HSPA14: variants seen among roughly 807,000 people sequenced by gnomAD.
HSPA14 encodes the protein heat shock protein family A (Hsp70) member 14, also known as heat shock 70 kDa protein 14.
HSPA14 carries 37 observed loss-of-function variants against 65.5 expected under a neutral mutation model. The observed-to-expected ratio is 0.56, with a 90% CI of 0.43 to 0.74. The LOEUF (loss-of-function observed/expected upper bound fraction) is 0.74, where lower values mean the gene tolerates loss of function less well. Ranked by LOEUF, HSPA14 falls within the 30% of genes least tolerant of loss-of-function variation. The pLI, the probability that HSPA14 is intolerant of heterozygous loss-of-function variation, is 0.00. For missense variants in HSPA14, 564 were observed against 607.6 expected (o/e 0.93, Z 0.75); for synonymous variants, 203 against 214.2 (o/e 0.95, Z 0.46).
At chr10:14,870,092 T>A (rs1187244703) in intron 12 of HSPA14, among the ~76,000 whole-genome samples, 2 of 152,202 alleles carry the variant, frequency 1.3e-5, no homozygotes, top group East Asian at 3.8e-4. Flanking sequence ...ACTGAGGAAT[T>A]TTATAGTAAA....
At chr10:14,843,320 A>G (rs1387516458) in intron 3 of HSPA14, 1 of 1,546,162 alleles carries the variant, frequency 6.5e-7, no homozygotes, top group Non-Finnish European at 8.7e-7. Context: ...GGCTCCAAGC[A>G]TTCCCTTAGC....
chr10:14,855,799 C>T (rs1301600563), intron 9 of HSPA14, 42 bp from the exon 10 acceptor site: 1 of 999,184 alleles, frequency 1.0e-6, no homozygotes, highest in Non-Finnish European at 1.6e-6. Context: ...TTTCTCTTGT[C>T]CCTGTGTCTG....
chr10:14,855,690 A>G (rs1158325609), intron 9 of HSPA14, 151 bp from the exon 10 acceptor site: 3 of 558,572 alleles, frequency 5.4e-6, no homozygotes, highest in Non-Finnish European at 9.5e-6. Context: ...CTTATGGTAA[A>G]CCTGTCATTC....
At chr10:14,844,004 A>G in intron 3 of HSPA14, 1 of 1,467,956 alleles carries the variant, frequency 6.8e-7, no homozygotes, top group Non-Finnish European at 8.9e-7. Context: ...AACATGGATG[A>G]ACCATTTATA....
chr10:14,849,692 A>G, intron 5 of HSPA14, 29 bp from the exon 6 acceptor site: 1 of 1,462,440 alleles, frequency 6.8e-7, no homozygotes, highest in Non-Finnish European at 9.5e-7. Flanking sequence ...TTCTTCTGTC[A>G]TCAGAATTTT....
At chr10:14,865,479 CA>C (rs1166243622) in intron 10 of HSPA14, among the ~76,000 whole-genome samples, 4 of 151,978 alleles carry the variant, frequency 2.6e-5, no homozygotes, top group African/African-American at 9.7e-5. Flanking sequence ...GTCTTTAATC[CA>C]TCTTGAATTA....
chr10:14,842,342 C>T lies in HSPA14; in HGVS notation c.221+2185C>T. Reference sequence around the variant, plus strand: ...GTGGTCCAGACAGGAGACACGAACTCTTCTCTCCATACTAGGCGAGGCAGA... The same window carrying T: ...GTGGTCCAGACAGGAGACACGAACTTTTCTCTCCATACTAGGCGAGGCAGA... On this transcript the variant is annotated intron_variant, in intron 3 of 13. Transcript: ENST00000378372. This position sits in a 1 kb window ranked among gnomAD's most constrained non-coding sequence, Gnocchi z 5.2. 6.5e-7 allele frequency: 1 copy of T among 1,536,154 alleles called. No individual in the cohort carries two copies. The highest frequency in any genetic ancestry group is 8.7e-7 in the Non-Finnish European group (1 of 1,146,924).
chr10:14,840,940 G>T (rs1833964506), intron 3 of HSPA14, among the ~76,000 whole-genome samples: 1 of 152,072 alleles, frequency 6.6e-6, no homozygotes, highest in Non-Finnish European at 1.5e-5. Context: ...CATTATCCTA[G>T]GGGGTAAACT....
intron 11 of HSPA14, 106 bp from the exon 12 acceptor site, chr10:14,867,630 T>A: frequency 1.1e-6 from 1 of 923,884 alleles, no homozygotes; most frequent in Non-Finnish European, 1.7e-6. Flanking sequence ...CTTTGCCTAG[T>A]GTCCTGTTTA....
At chr10:14,852,001 T>A (rs1045422643) in intron 7 of HSPA14, among the ~76,000 whole-genome samples, 1 of 152,224 alleles carries the variant, frequency 6.6e-6, no homozygotes, top group Admixed American at 6.5e-5. Flanking sequence ...GTAATATATC[T>A]ACAGAACATG....
intron 3 of HSPA14, chr10:14,846,906 G>A (rs375166693): frequency 1.0e-6 from 1 of 985,312 alleles, no homozygotes; most frequent in Non-Finnish European, 1.2e-6. Context: ...AGTCCATCAT[G>A]TAAATAAGGT....
chr10:14,842,691 C>T lies in HSPA14; in HGVS notation c.221+2534C>T, dbSNP rs1169128135. 1 of 1,536,298 alleles carries T rather than the reference C, an allele frequency of 6.5e-7. No homozygotes were observed. The highest frequency in any genetic ancestry group is 1.2e-5 in the South Asian group (1 of 84,056). ...TCTGACGCCCCAGGGGAAGAGGGAA[C>T]CGGCATTCTAAAATCAAAAAGGACT... is the stretch of plus-strand genomic sequence containing the variant. On this transcript the variant is annotated intron_variant, in intron 3 of 13. Transcript: ENST00000378372. This position sits in a 1 kb window ranked among gnomAD's most constrained non-coding sequence, Gnocchi z 5.2.
At chr10:14,869,736 G>C (rs1350946284) in intron 12 of HSPA14, among the ~76,000 whole-genome samples, 1 of 152,236 alleles carries the variant, frequency 6.6e-6, no homozygotes, top group African/African-American at 2.4e-5. Flanking sequence ...GTTTGTGTGT[G>C]TCTAAGAACC....
At chr10:14,870,327 A>G (rs1465204698) in intron 12 of HSPA14, among the ~76,000 whole-genome samples, 2 of 152,222 alleles carry the variant, frequency 1.3e-5, no homozygotes, top group Non-Finnish European at 2.9e-5. Flanking sequence ...CATCTTAGAA[A>G]CAATGATTTT....
chr10:14,845,728 A>G, intron 3 of HSPA14: 1 of 184,772 alleles, frequency 5.4e-6, no homozygotes, highest in South Asian at 1.9e-4. Context: ...TGCCCAACTC[A>G]TTTTTGTATT....
chr10:14,858,405 TTAATAA>T (rs1200217801), intron 10 of HSPA14, among the ~76,000 whole-genome samples: 2 of 152,228 alleles, frequency 1.3e-5, no homozygotes, highest in African/African-American at 4.8e-5. Context: ...TTTTGAGAAC[TTAATAA>T]TAAGAAATTG....
At chr10:14,841,485 C>G (rs1250161456) in intron 3 of HSPA14, among the ~76,000 whole-genome samples, 3 of 152,124 alleles carry the variant, frequency 2.0e-5, no homozygotes, top group African/African-American at 7.2e-5. Context: ...TTCACCACCT[C>G]TCCCCGTGGT....
chr10:14,870,761 A>C, intron 13 of HSPA14, 94 bp downstream of exon 13: 2 of 1,173,904 alleles, frequency 1.7e-6, no homozygotes, highest in South Asian at 3.5e-5. Flanking sequence ...TCATTCTAGA[A>C]GAAACATTAA....
chr10:14,857,672 G>A (rs1433697189), intron 10 of HSPA14, among the ~76,000 whole-genome samples: 1 of 152,068 alleles, frequency 6.6e-6, no homozygotes, highest in Non-Finnish European at 1.5e-5. Context: ...TTCCTTTGAG[G>A]CATTTACTTC....
Sources: allele counts gnomAD v4.1 joint callset (sites outside exome capture counted in the v4.1 genomes callset), GRCh38; gene constraint gnomAD v4.1.1; non-coding constraint Gnocchi (gnomAD v3.1); transcripts MANE v1.5; gene names NCBI Gene and HGNC (gene_info 2026-07-23, HGNC 2026-07-21).